The following CCDC30 variants were observed in gnomAD, a reference collection of about 807,000 sequenced individuals.
The protein encoded by CCDC30 is coiled-coil domain containing 30, also known as coiled-coil domain-containing protein 30.
In CCDC30, 70 loss-of-function variants were observed where a neutral mutation model predicts 100.2. The ratio of observed to expected loss-of-function variants is 0.70; its 90% CI spans 0.58 to 0.85. The LOEUF (loss-of-function observed/expected upper bound fraction) is 0.85. Ranked by LOEUF, CCDC30 falls within the 40% of genes least tolerant of loss-of-function variation. The pLI is 0.00. For synonymous variants in CCDC30, 233 were observed against 269.5 expected (o/e 0.86, Z 1.33); for missense variants, 652 against 771.2 (o/e 0.85, Z 1.83).
intron 6 of CCDC30, among the ~76,000 whole-genome samples, chr1:42,546,169 T>C (rs1407810221): frequency 6.6e-6 from 1 of 150,750 alleles, no homozygotes; most frequent in African/African-American, 2.4e-5. Flanking sequence ...GCGGATCACC[T>C]GAGGCCAAGA....
Position 42,570,958 on chromosome 1 carries a change from C to T in CCDC30, c.636+4483C>T, listed in dbSNP as rs556795076. ...AGGCAGATTGCTGCTTTGTCACCACCAGTACCAAGACGCTGATGTAGATCC... is the reference window on the plus strand; with the variant it reads ...AGGCAGATTGCTGCTTTGTCACCACTAGTACCAAGACGCTGATGTAGATCC... On this transcript the variant is annotated intron_variant, in intron 7 of 16. Transcript: ENST00000668663. The T allele has an allele frequency of 1.2e-4, 19 of 152,290 alleles. 1 individual carries two copies. The highest frequency in any genetic ancestry group is 4.3e-4 in the African/African-American group (18 of 41,542). 9.4% of individuals were successfully genotyped at this position (152,290 alleles called of 1,614,324 possible).
chr1:42,570,934 G>C (rs1645720287), intron 7 of CCDC30: 1 of 152,124 alleles, frequency 6.6e-6, no homozygotes, highest in Admixed American at 6.6e-5. Flanking sequence ...CAGAGCCTCA[G>C]GCAGATTGCT....
intron 7 of CCDC30, among the ~76,000 whole-genome samples, chr1:42,576,648 T>C (rs1455441177): frequency 1.3e-5 from 2 of 152,174 alleles, no homozygotes; most frequent in African/African-American, 2.4e-5. Flanking sequence ...CCAGCAAAGT[T>C]TGGTGTCACA....
chr1:42,579,638 AAGAG>A (rs1323363878), intron 8 of CCDC30, among the ~76,000 whole-genome samples: 3 of 151,282 alleles, frequency 2.0e-5, no homozygotes, highest in Non-Finnish European at 4.4e-5. Context: ...CTGTCTCAAA[AAGAG>A]AGAGAGAGAG....
At chr1:42,552,610 A>T (rs1482952212) in intron 6 of CCDC30, among the ~76,000 whole-genome samples, 1 of 113,938 alleles carries the variant, frequency 8.8e-6, no homozygotes, top group Non-Finnish European at 2.1e-5. Context: ...AAAAATTTTA[A>T]AAAAAATTAT....
At chr1:42,579,711 G>A (rs1018782840) in intron 8 of CCDC30, among the ~76,000 whole-genome samples, 1 of 151,368 alleles carries the variant, frequency 6.6e-6, no homozygotes, top group Non-Finnish European at 1.5e-5. Flanking sequence ...AAGGAAGGAA[G>A]GGACTATTAG....
chr1:42,586,628 G>T lies in CCDC30; in HGVS notation c.1002-2693G>T, dbSNP rs190290686. On this transcript the variant is annotated intron_variant, in intron 9 of 16. Coordinates refer to ENST00000668663, the Ensembl canonical transcript of CCDC30. ...TCATGAGCCATGGTGCCCAGCTCTT[G>T]TGAGCCACAGTGCCCATTTCTCATG... Among the ~76,000 whole-genome samples the T allele has an allele frequency of 1.8e-3, 274 of 152,250 alleles. 2 individuals carry two copies. The highest frequency in any genetic ancestry group is 6.3e-3 in the African/African-American group (262 of 41,544).
At position 42,596,353 on chromosome 1, in the gene CCDC30, G is replaced by A. The variant is rs1216550537; in HGVS notation, c.1164+6870G>A. On this transcript the variant is annotated intron_variant, in intron 10 of 16. Coordinates refer to ENST00000668663, the Ensembl canonical transcript of CCDC30. The surrounding 1 kb of genome is among the most constrained non-coding windows in gnomAD (Gnocchi z 4.3). ...AAAAATCCCCTTTTGCTTCCAGAAC[G>A]GGGAGAAAAGGGGAACATTTGAAAC... 1.3e-5 allele frequency among the ~76,000 whole-genome samples: 2 copies of A among 152,130 alleles called. No homozygotes were observed. Among genetic ancestry groups the A allele is most frequent in the Non-Finnish European group, 2.9e-5 (2 of 68,032 alleles).
intron 6 of CCDC30, among the ~76,000 whole-genome samples, chr1:42,511,281 C>T (rs1644473642): frequency 6.6e-6 from 1 of 152,130 alleles, no homozygotes; most frequent in South Asian, 2.1e-4. Context: ...CTTGTGATTT[C>T]CCTTTGACTT....
intron 6 of CCDC30, among the ~76,000 whole-genome samples, chr1:42,502,259 G>GTGGGACCCTCTGAGCCATA (rs1557809707): frequency 3.3e-5 from 5 of 152,024 alleles, no homozygotes; most frequent in African/African-American, 1.2e-4. Flanking sequence ...TCCGAGCCGG[G>GTGGGACCCTCTGAGCCATA]CGTGGGACCC....
At chr1:42,458,365 A>G (rs1194159881), upstream of CCDC30, among the ~76,000 whole-genome samples, 3 of 152,206 alleles carry the variant, frequency 2.0e-5, no homozygotes, top group Non-Finnish European at 2.9e-5. Context: ...TGGAACCTTC[A>G]GGAGTTCTTA....
upstream of CCDC30, among the ~76,000 whole-genome samples, chr1:42,462,558 G>GA (rs1643440019): frequency 6.6e-6 from 1 of 152,186 alleles, no homozygotes; most frequent in African/African-American, 2.4e-5. Context: ...GTAAGACCAA[G>GA]AAATGTTGTG....
At chr1:42,458,760 C>A (rs986391395), upstream of CCDC30, among the ~76,000 whole-genome samples, 2 of 152,086 alleles carry the variant, frequency 1.3e-5, no homozygotes, top group African/African-American at 4.8e-5. Flanking sequence ...AGTAACAAAG[C>A]AACTGAACAT....
At chr1:42,644,605 G>T (rs7523056) in intron 13 of CCDC30, 88 bp from the exon 18 acceptor site, 1 of 745,242 alleles carries the variant, frequency 1.3e-6, no homozygotes, top group Admixed American at 2.0e-5. Flanking sequence ...TCTAAGATCC[G>T]GGGCCAGTGG....
intron 7 of CCDC30, among the ~76,000 whole-genome samples, chr1:42,570,733 G>T (rs1645716613): frequency 6.6e-6 from 1 of 152,018 alleles, no homozygotes; most frequent in African/African-American, 2.4e-5. Context: ...TTTATACCTT[G>T]TGTCTGCCTT....
At chr1:42,636,676 G>C (rs182167755) in intron 11 of CCDC30, among the ~76,000 whole-genome samples, 2 of 151,936 alleles carry the variant, frequency 1.3e-5, no homozygotes, top group East Asian at 3.9e-4. Context: ...ATCAGTACAA[G>C]ACCAAGGTAG....
At chr1:42,615,056 A>T (rs1161705723) in intron 11 of CCDC30, among the ~76,000 whole-genome samples, 1 of 152,230 alleles carries the variant, frequency 6.6e-6, no homozygotes, top group East Asian at 1.9e-4. Context: ...GAGTCATCAA[A>T]TGAGGAGATG....
intron 13 of CCDC30, among the ~76,000 whole-genome samples, chr1:42,643,802 G>A (rs1570341277): frequency 6.6e-6 from 1 of 152,172 alleles, no homozygotes; most frequent in South Asian, 2.1e-4. Context: ...CATTGCATAA[G>A]TACATGGCAA....
intron 6 of CCDC30, among the ~76,000 whole-genome samples, chr1:42,503,228 G>T (rs956402585): frequency 3.9e-5 from 6 of 152,118 alleles, no homozygotes; most frequent in African/African-American, 7.2e-5. Context: ...CCTGGGGTTC[G>T]TCATCTTACA....
Sources: gnomAD v4.1 joint callset for allele counts (sites outside exome capture counted in the v4.1 genomes callset) on GRCh38, gnomAD v4.1.1 for gene constraint, Gnocchi (gnomAD v3.1) non-coding constraint, MANE v1.5 for transcripts, NCBI Gene and HGNC (gene_info 2026-07-23, HGNC 2026-07-21) for gene names.